Variants in RPTOR observed in about 807,000 individuals in gnomAD.
The protein encoded by RPTOR is regulatory associated protein of MTOR complex 1.
In RPTOR, 21 loss-of-function variants were observed where a neutral mutation model predicts 169.9. That is an observed-to-expected ratio of 0.12 (90% CI 0.09 to 0.18). The LOEUF is 0.18. RPTOR is among the 10% of genes least tolerant of loss of function. RPTOR has a pLI of 1.00. For missense variants in RPTOR, 1,133 were observed against 1,855.9 expected (o/e 0.61, Z 7.16); for synonymous variants, 732 against 753.2 (o/e 0.97, Z 0.46).
At chr17:80,714,405 C>G (rs1249423129) in intron 4 of RPTOR, among the ~76,000 whole-genome samples, 1 of 152,148 alleles carries the variant, frequency 6.6e-6, no homozygotes, top group Non-Finnish European at 1.5e-5. Flanking sequence ...TATACATTCT[C>G]AAGTGCATGT....
rs138147307 is a variant in RPTOR at position 80,572,666 on chromosome 17, A to C, written c.162+26875A>C. On this transcript the variant is annotated intron_variant, in intron 1 of 33. Transcript: ENST00000306801. ...CTTGATCCCAGCAGTTCCAGGCTGC[A>C]GTGAGTCGAGATCGCACCAGCACAC... Among the ~76,000 whole-genome samples the C allele has an allele frequency of 1.9e-3, 283 of 152,288 alleles. 5 individuals carry two copies. The highest frequency in any genetic ancestry group is 9.5e-3 in the East Asian group (49 of 5,162).
At chr17:80,964,239 T>G in intron 33 of RPTOR, 23 bp from the exon 34 acceptor site, 2 of 1,489,654 alleles carry the variant, frequency 1.3e-6, no homozygotes, top group Non-Finnish European at 1.8e-6. Context: ...GAACCCCTGC[T>G]CACCCCTTCT....
rs745769249 is a variant in RPTOR, at chr17:80,878,713, T to C, written c.1510-1702T>C. 8.5e-5 allele frequency among the ~76,000 whole-genome samples: 13 copies of C among 152,190 alleles called. No individual in the cohort carries two copies. Among genetic ancestry groups the C allele is most frequent in the Non-Finnish European group, 1.3e-4 (9 of 68,034 alleles). On this transcript the variant is annotated intron_variant, in intron 13 of 33. Transcript: ENST00000306801. This position sits in a 1 kb window ranked among gnomAD's most constrained non-coding sequence, Gnocchi z 4.1. ...AGAGGGAGAACCTGGACTTGAAACTTAGTTTTGTTTCAAATCTTGCCCCTT... is the reference window on the plus strand; with the variant it reads ...AGAGGGAGAACCTGGACTTGAAACTCAGTTTTGTTTCAAATCTTGCCCCTT...
chr17:80,718,933 G>A (rs570831599), intron 4 of RPTOR, among the ~76,000 whole-genome samples: 1 of 152,232 alleles, frequency 6.6e-6, no homozygotes, highest in Admixed American at 6.5e-5. Context: ...CAAGAGGCCA[G>A]TGGCGGCACC....
intron 24 of RPTOR, among the ~76,000 whole-genome samples, chr17:80,930,398 T>C (rs62068524): frequency 0.028 from 22 of 788 alleles, no homozygotes; most frequent in East Asian, 0.056. Context: ...CAGCTCATTC[T>C]CAGCTCATCC....
At chr17:80,709,719 T>TA (rs940466879) in intron 4 of RPTOR, among the ~76,000 whole-genome samples, 1 of 152,160 alleles carries the variant, frequency 6.6e-6, no homozygotes, top group African/African-American at 2.4e-5. Flanking sequence ...AGGTTTTTTT[T>TA]AATGATAGAC....
chr17:80,919,521 A>G (rs9914299), intron 21 of RPTOR, among the ~76,000 whole-genome samples: 3,192 of 152,308 alleles, frequency 0.021, 122 homozygotes, highest in African/African-American at 0.073. Flanking sequence ...TCACTGTCCA[A>G]GTCTCTGAAA....
intron 1 of RPTOR, among the ~76,000 whole-genome samples, chr17:80,616,619 A>G (rs1320536612): frequency 1.3e-5 from 2 of 152,176 alleles, no homozygotes; most frequent in Non-Finnish European, 2.9e-5. Flanking sequence ...ATCTTGTTCC[A>G]TGAAATAAAT....
intron 31 of RPTOR, 71 bp downstream of exon 31, chr17:80,961,551 C>T (rs2069342120): frequency 6.8e-7 from 1 of 1,459,958 alleles, no homozygotes; most frequent in African/African-American, 1.4e-5. Context: ...TAAAATACGT[C>T]CTTGGTATTT....
intron 1 of RPTOR, among the ~76,000 whole-genome samples, chr17:80,567,346 C>T (rs1166109742): frequency 6.6e-6 from 1 of 150,864 alleles, no homozygotes; most frequent in Non-Finnish European, 1.5e-5. Flanking sequence ...TTTAAGTTAT[C>T]ACAGTGTACC....
At chr17:80,834,850 G>A (rs557685833) in intron 9 of RPTOR, among the ~76,000 whole-genome samples, 4 of 152,334 alleles carry the variant, frequency 2.6e-5, no homozygotes, top group South Asian at 4.1e-4. Flanking sequence ...CTCGGCCCAC[G>A]GCCCGGACAC....
intron 7 of RPTOR, among the ~76,000 whole-genome samples, chr17:80,807,309 T>G (rs189412346): frequency 2.0e-5 from 3 of 152,370 alleles, no homozygotes; most frequent in African/African-American, 7.2e-5. Flanking sequence ...CTTCATCCTT[T>G]TTTTTTCCTG....
intron 9 of RPTOR, among the ~76,000 whole-genome samples, chr17:80,826,630 T>TC (rs1244982210): frequency 1.3e-5 from 2 of 152,252 alleles, no homozygotes; most frequent in Admixed American, 6.5e-5. Flanking sequence ...CTCCTCCTGG[T>TC]CCCTGGCACC....
intron 21 of RPTOR, 49 bp from the exon 22 acceptor site, chr17:80,922,675 G>A (rs570792073): frequency 1.1e-5 from 16 of 1,457,456 alleles, no homozygotes; most frequent in East Asian, 9.9e-5. Flanking sequence ...GGCGGCCTCC[G>A]CGGAGCACGT....
chr17:80,640,783 T>C (rs2065547117), intron 2 of RPTOR, among the ~76,000 whole-genome samples: 1 of 146,320 alleles, frequency 6.8e-6, no homozygotes, highest in African/African-American at 2.6e-5. Flanking sequence ...GAGGGGGTAC[T>C]CCTTGAATGG....
chr17:80,686,563 T>C (rs925624051), intron 3 of RPTOR, among the ~76,000 whole-genome samples: 2 of 152,054 alleles, frequency 1.3e-5, no homozygotes, highest in Non-Finnish European at 2.9e-5. Context: ...TATTTGCCTT[T>C]CGGGACTCAT....
At chr17:80,890,570 C>G (rs942630232) in intron 17 of RPTOR, among the ~76,000 whole-genome samples, 5 of 152,180 alleles carry the variant, frequency 3.3e-5, no homozygotes, top group African/African-American at 1.2e-4. Flanking sequence ...TGCCAGGGCT[C>G]CATTCTGAGC....
chr17:80,924,672 G>C (rs577487967), intron 23 of RPTOR, among the ~76,000 whole-genome samples: 4 of 151,960 alleles, frequency 2.6e-5, no homozygotes, highest in East Asian at 1.9e-4. Context: ...CCCCCGGGGT[G>C]GGGGGGATGC....
intron 24 of RPTOR, among the ~76,000 whole-genome samples, chr17:80,930,192 C>G (rs965149253): frequency 2.1e-4 from 28 of 132,252 alleles, no homozygotes; most frequent in Non-Finnish European, 4.2e-4. Context: ...ATCCCCAGCT[C>G]ATGCCCAGCT....
Sources: gnomAD v4.1 joint callset for allele counts (sites outside exome capture counted in the v4.1 genomes callset) on GRCh38, gnomAD v4.1.1 for gene constraint, Gnocchi (gnomAD v3.1) non-coding constraint, MANE v1.5 for transcripts, NCBI Gene and HGNC (gene_info 2026-07-23, HGNC 2026-07-21) for gene names.